The following GRAMD2B variants were observed in gnomAD, a reference collection of about 807,000 sequenced individuals.
The protein encoded by GRAMD2B is GRAM domain containing 2B, also known as GRAM domain-containing protein 2B.
GRAMD2B carries 41 observed loss-of-function variants against 59.2 expected under a neutral mutation model. The observed-to-expected ratio is 0.69, with a 90% CI of 0.54 to 0.90. GRAMD2B has a LOEUF of 0.90. Among genes scored for constraint, GRAMD2B ranks in the 40% least tolerant of loss-of-function variants. The probability of loss-of-function intolerance (pLI) is 0.00; values close to 1 mark genes in which losing one functional copy is unlikely to be tolerated. For synonymous variants in GRAMD2B, 161 were observed against 182.7 expected, an observed-to-expected ratio of 0.88 and a Z score of 0.96; for missense variants, 424 against 500.5, an observed-to-expected ratio of 0.85 and a Z score of 1.46.
chr5:126,416,877 A>G (rs904778815), intron 1 of GRAMD2B, among the ~76,000 whole-genome samples: 2 of 151,944 alleles, frequency 1.3e-5, no homozygotes, highest in Non-Finnish European at 2.9e-5. Flanking sequence ...AGCTCTATCC[A>G]TTTCTATTTT....
chr5:126,486,566 C>T (rs1012611917), intron 11 of GRAMD2B, among the ~76,000 whole-genome samples: 4 of 152,094 alleles, frequency 2.6e-5, no homozygotes, highest in African/African-American at 9.7e-5. Context: ...TGGCAGAGGA[C>T]GGTAGTACCG....
chr5:126,452,966 AAC>A (rs1765630420), intron 1 of GRAMD2B, among the ~76,000 whole-genome samples: 1 of 152,082 alleles, frequency 6.6e-6, no homozygotes, highest in African/African-American at 2.4e-5. Context: ...TTCTTTCCTA[AAC>A]ACAGTCTTCA....
chr5:126,419,497 A>G (rs1179951854), upstream of GRAMD2B, among the ~76,000 whole-genome samples: 1 of 152,178 alleles, frequency 6.6e-6, no homozygotes, highest in Non-Finnish European at 1.5e-5. Context: ...CCAATTCAAC[A>G]TGAGATTTGG....
intron 4 of GRAMD2B, 129 bp from the exon 5 acceptor site, chr5:126,473,136 G>A (rs1769939346): frequency 2.4e-6 from 1 of 408,266 alleles, no homozygotes; most frequent in Non-Finnish European, 4.5e-6. Flanking sequence ...GATGACAGAA[G>A]AAGAGGTAAT....
chr5:126,489,046 G>A (rs1182431043), intron 13 of GRAMD2B, among the ~76,000 whole-genome samples, 154 bp downstream of exon 13: 1 of 152,186 alleles, frequency 6.6e-6, no homozygotes, highest in Non-Finnish European at 1.5e-5. Context: ...AGTAAATGTG[G>A]AAGAATATTT....
At chr5:126,429,759 G>A (rs531769948) in intron 1 of GRAMD2B, among the ~76,000 whole-genome samples, 50 of 152,320 alleles carry the variant, frequency 3.3e-4, no homozygotes, top group Admixed American at 1.9e-3. Flanking sequence ...TAAAGTGACC[G>A]TGAGGACTCT....
At chr5:126,394,003 G>C (rs752463864) in intron 1 of GRAMD2B, among the ~76,000 whole-genome samples, 1 of 152,012 alleles carries the variant, frequency 6.6e-6, no homozygotes, top group Non-Finnish European at 1.5e-5. Flanking sequence ...GGCCAGGCGC[G>C]GTGGCTCACA....
intron 8 of GRAMD2B, among the ~76,000 whole-genome samples, chr5:126,482,872 T>C (rs1772151261): frequency 6.6e-6 from 1 of 152,238 alleles, no homozygotes; most frequent in African/African-American, 2.4e-5. Context: ...CAAAGTAGAA[T>C]GTCTGTGCTT....
chr5:126,469,787 A>C lies in GRAMD2B; in HGVS notation c.314A>C (p.Gln105Pro), dbSNP rs1388407666. 6 of 1,603,368 alleles carry C rather than the reference A, an allele frequency of 3.7e-6. No homozygotes were observed. Among genetic ancestry groups the C allele is most frequent in the East Asian group, 2.2e-5 (1 of 44,842 alleles). ...TERKKSSSSS[Q>P]YKANMHFHKL... ...AGAAAAAAGTCTTCATCTTCCAGCC[A>C]GGTAATTTGAGAATGGAATTTGTAT... is the stretch of plus-strand genomic sequence containing the variant. The change falls in exon 3 of 14, where the codon CAG becomes CCG. Residue 105 changes from glutamine (Q) to proline (P), a missense_variant and splice_region_variant. Coordinates refer to ENST00000285689, the MANE Select transcript of GRAMD2B (RefSeq NM_023927.4).
At chr5:126,473,449 A>G (rs1769998613) in intron 5 of GRAMD2B, 81 bp downstream of exon 5, 1 of 436,986 alleles carries the variant, frequency 2.3e-6, no homozygotes, top group African/African-American at 2.0e-5. Context: ...ATTTAGCTAT[A>G]TTTGTAGATA....
chr5:126,407,472 G>C (rs369940935), intron 1 of GRAMD2B, among the ~76,000 whole-genome samples: 11 of 151,946 alleles, frequency 7.2e-5, no homozygotes. Context: ...TAGAGCGTTC[G>C]GGGTGGCAAA....
chr5:126,392,036 A>G (rs182232905), intron 1 of GRAMD2B, among the ~76,000 whole-genome samples: 15 of 152,354 alleles, frequency 9.8e-5, no homozygotes, highest in Admixed American at 7.2e-4. Flanking sequence ...AATTGGCTTG[A>G]TGATTTTCAG....
chr5:126,482,372 T>C, intron 8 of GRAMD2B, among the ~76,000 whole-genome samples: 1 of 152,192 alleles, frequency 6.6e-6, no homozygotes, highest in East Asian at 1.9e-4. Context: ...TGAAAAACAG[T>C]GGTGGGAAGC....
chr5:126,392,060 C>A (rs547101272), intron 1 of GRAMD2B, among the ~76,000 whole-genome samples: 4 of 152,176 alleles, frequency 2.6e-5, no homozygotes, highest in Non-Finnish European at 5.9e-5. Context: ...GACTGACATG[C>A]CTTTGCTAAA....
chr5:126,385,092 T>C (rs1187760949), intron 1 of GRAMD2B, among the ~76,000 whole-genome samples: 1 of 152,148 alleles, frequency 6.6e-6, no homozygotes, highest in Non-Finnish European at 1.5e-5. Flanking sequence ...AGGCTGACCC[T>C]TGCTGGGAGT....
At chr5:126,400,962 C>T (rs537521354) in intron 1 of GRAMD2B, among the ~76,000 whole-genome samples, 12 of 152,138 alleles carry the variant, frequency 7.9e-5, no homozygotes, top group South Asian at 4.1e-4. Flanking sequence ...GCTTCATGAA[C>T]GTGATGTCCA....
chr5:126,381,270 A>G (rs1754123528), intron 1 of GRAMD2B, among the ~76,000 whole-genome samples: 1 of 152,118 alleles, frequency 6.6e-6, no homozygotes, highest in Non-Finnish European at 1.5e-5. Flanking sequence ...ATGGTAAATT[A>G]TCTTTTTGAT....
At chr5:126,462,174 G>A (rs550867713) in intron 1 of GRAMD2B, among the ~76,000 whole-genome samples, 17 of 152,312 alleles carry the variant, frequency 1.1e-4, no homozygotes, top group South Asian at 2.1e-4. Context: ...GTCAAAGTCC[G>A]TAACAGGGCT....
At chr5:126,483,410 G>C in intron 8 of GRAMD2B, 53 bp from the exon 9 acceptor site, 1 of 1,105,722 alleles carries the variant, frequency 9.0e-7, no homozygotes, top group Non-Finnish European at 1.4e-6. Context: ...ACAAAGGCCT[G>C]CCTGTTTACT....
Sources: allele counts gnomAD v4.1 joint callset (sites outside exome capture counted in the v4.1 genomes callset), GRCh38; gene constraint gnomAD v4.1.1; transcripts MANE v1.5; gene names NCBI Gene and HGNC (gene_info 2026-07-23, HGNC 2026-07-21).